CATSPERE: variants seen among roughly 807,000 people sequenced by gnomAD.
CATSPERE encodes catsper channel auxiliary subunit epsilon.
CATSPERE carries 93 observed loss-of-function variants against 114.1 expected under a neutral mutation model. That is an observed-to-expected ratio of 0.81 (90% CI 0.69 to 0.97). The LOEUF (loss-of-function observed/expected upper bound fraction) is 0.97. CATSPERE is among the 50% of genes least tolerant of loss of function. CATSPERE has a pLI of 0.00. For synonymous variants in CATSPERE, 341 were observed against 384.1 expected, an observed-to-expected ratio of 0.89 and a Z score of 1.31; for missense variants, 1,058 against 1,131.6, an observed-to-expected ratio of 0.93 and a Z score of 0.93.
intron 5 of CATSPERE, among the ~76,000 whole-genome samples, chr1:244,487,798 C>T (rs1194350160): frequency 1.3e-5 from 2 of 152,124 alleles, no homozygotes; most frequent in Non-Finnish European, 2.9e-5. Context: ...CAGCAGGAGG[C>T]GGGACTGTAC....
chr1:244,581,241 C>T (rs1407826504), intron 11 of CATSPERE, among the ~76,000 whole-genome samples: 2 of 152,140 alleles, frequency 1.3e-5, no homozygotes, highest in Admixed American at 1.3e-4. Context: ...TTTTCTGTAG[C>T]TGTCATTCAT....
At chr1:244,567,326 G>T (rs1421352200) in intron 10 of CATSPERE, among the ~76,000 whole-genome samples, 4 of 152,068 alleles carry the variant, frequency 2.6e-5, no homozygotes, top group Non-Finnish European at 4.4e-5. Context: ...TGTTTGTCTT[G>T]TGGTTGCTCT....
chr1:244,493,758 TAAAC>T (rs773654794), intron 6 of CATSPERE, among the ~76,000 whole-genome samples: 21 of 151,782 alleles, frequency 1.4e-4, no homozygotes, highest in South Asian at 2.1e-4. Flanking sequence ...TTACAAGAAA[TAAAC>T]AAACAACCCC....
chr1:244,636,955 G>GCT (rs1366133206), intron 21 of CATSPERE, among the ~76,000 whole-genome samples: 1 of 151,934 alleles, frequency 6.6e-6, no homozygotes, highest in Non-Finnish European at 1.5e-5. Context: ...TCTCCATTCT[G>GCT]CTCTCTCTCT....
intron 7 of CATSPERE, among the ~76,000 whole-genome samples, chr1:244,506,726 G>A (rs1219778678): frequency 6.6e-6 from 1 of 152,056 alleles, no homozygotes; most frequent in Non-Finnish European, 1.5e-5. Context: ...GGGTAATTGG[G>A]ATATCCATCA....
At chr1:244,487,672 A>C (rs1263724672) in intron 5 of CATSPERE, among the ~76,000 whole-genome samples, 1 of 152,148 alleles carries the variant, frequency 6.6e-6, no homozygotes, top group Non-Finnish European at 1.5e-5. Flanking sequence ...CCCAGGTCAA[A>C]GACAGAAGCA....
intron 7 of CATSPERE, among the ~76,000 whole-genome samples, chr1:244,517,405 T>C (rs1336121504): frequency 6.6e-6 from 1 of 152,002 alleles, no homozygotes; most frequent in Non-Finnish European, 1.5e-5. Flanking sequence ...GAATAGTGAA[T>C]ATGATTTTCA....
chr1:244,541,956 A>G (rs1391509083), intron 8 of CATSPERE, among the ~76,000 whole-genome samples: 1 of 137,908 alleles, frequency 7.3e-6, no homozygotes, highest in Non-Finnish European at 1.5e-5. Context: ...GAATTGAACA[A>G]TGAGAACACA....
At position 244,560,109 on chromosome 1, in the gene CATSPERE, C is replaced by G. The variant is rs564440306; in HGVS notation, c.1030-559C>G. On this transcript the variant is annotated intron_variant, in intron 9 of 21. Transcript: ENST00000366534. Reference sequence around the variant, plus strand: ...CTGGGCTCAAGTGATCCTTCCACCTCAGCCTCCCAAATAGCTGAGACTACA... The same window carrying G: ...CTGGGCTCAAGTGATCCTTCCACCTGAGCCTCCCAAATAGCTGAGACTACA... Among the ~76,000 whole-genome samples the G allele has an allele frequency of 7.0e-4, 106 of 152,228 alleles. No homozygotes were observed. In the Middle Eastern group the frequency reaches 0.014, roughly 20 times the overall value.
At chr1:244,639,662 G>T (rs1040474597) in intron 21 of CATSPERE, among the ~76,000 whole-genome samples, 1 of 142,984 alleles carries the variant, frequency 7.0e-6, no homozygotes, top group African/African-American at 2.6e-5. Flanking sequence ...CTGGGTGACA[G>T]AGGGAGACTC....
At position 244,552,751 on chromosome 1, in the gene CATSPERE, T is replaced by A. The variant is rs111806162; in HGVS notation, c.966T>A (p.Leu322=). 1 of 1,612,360 alleles carries A rather than the reference T, an allele frequency of 6.2e-7. No homozygotes were observed. The highest frequency in any genetic ancestry group is 1.1e-5 in the South Asian group (1 of 90,544). The change falls in exon 9 of 22, where the codon CTT becomes CTA. Residue 322 remains leucine (L), a synonymous_variant. Transcript: ENST00000366534. ...TAAGACTGGGAGGAATTGTAAATCT[T>A]CCTGATGGTGGAATTACTGGCATTT... ...GFIRLGGIVN[L]PDGGITGISS... is the part of the protein sequence containing the mutation.
intron 11 of CATSPERE, among the ~76,000 whole-genome samples, chr1:244,574,029 G>A (rs1664870700): frequency 6.6e-6 from 1 of 152,112 alleles, no homozygotes; most frequent in Non-Finnish European, 1.5e-5. Context: ...AAGGAGGGAA[G>A]CAATTTTTAT....
chr1:244,635,689 A>G (rs1674547287), intron 21 of CATSPERE, 147 bp downstream of exon 21: 12 of 608,646 alleles, frequency 2.0e-5, no homozygotes, highest in Non-Finnish European at 3.0e-5. Flanking sequence ...TCTTATTATG[A>G]AAATTATTAT....
intron 17 of CATSPERE, among the ~76,000 whole-genome samples, chr1:244,596,740 C>T (rs1045042741): frequency 3.4e-5 from 5 of 147,596 alleles, no homozygotes; most frequent in Non-Finnish European, 7.4e-5. Context: ...CAAACCTGCA[C>T]GTTCAGTACA....
chr1:244,557,573 ATATATATAT>A, intron 9 of CATSPERE, among the ~76,000 whole-genome samples: 1 of 92,096 alleles, frequency 1.1e-5, no homozygotes, highest in African/African-American at 5.0e-5. Flanking sequence ...ATATATATAT[ATATATATAT>A]AAAATCTCCC....
chr1:244,502,197 T>C (rs745380781), intron 7 of CATSPERE, among the ~76,000 whole-genome samples: 2 of 152,202 alleles, frequency 1.3e-5, no homozygotes, highest in Non-Finnish European at 2.9e-5. Context: ...AGAAATGCTT[T>C]GTTTTACAAT....
At chr1:244,549,735 T>G (rs1007240621) in intron 8 of CATSPERE, among the ~76,000 whole-genome samples, 1 of 152,152 alleles carries the variant, frequency 6.6e-6, no homozygotes, top group Non-Finnish European at 1.5e-5. Context: ...GGTGCCAAGT[T>G]GACAAGGAAT....
intron 8 of CATSPERE, among the ~76,000 whole-genome samples, chr1:244,538,215 T>A (rs1278247585): frequency 6.6e-6 from 1 of 152,230 alleles, no homozygotes; most frequent in East Asian, 1.9e-4. Flanking sequence ...TGAAACTTAG[T>A]TAAATGAAGA....
intron 8 of CATSPERE, among the ~76,000 whole-genome samples, chr1:244,524,277 C>T (rs1266498550): frequency 8.0e-5 from 12 of 150,004 alleles, no homozygotes; most frequent in African/African-American, 2.5e-4. Context: ...GGAAAACTGG[C>T]TAGCCATATG....
Sources: gnomAD v4.1 joint callset for allele counts (sites outside exome capture counted in the v4.1 genomes callset) on GRCh38, gnomAD v4.1.1 for gene constraint, MANE v1.5 for transcripts, NCBI Gene and HGNC (gene_info 2026-07-23, HGNC 2026-07-21) for gene names.